HNF4A: variants seen among roughly 807,000 people sequenced by gnomAD.
HNF4A encodes the protein hepatocyte nuclear factor 4 alpha.
In HNF4A, 15 loss-of-function variants were observed where a neutral mutation model predicts 52.4. The ratio of observed to expected loss-of-function variants is 0.29; its 90% CI spans 0.19 to 0.44. HNF4A has a LOEUF of 0.44. Among genes scored for constraint, HNF4A ranks in the 20% least tolerant of loss-of-function variants. The pLI is 1.00. For missense variants in HNF4A, 479 were observed against 647.2 expected, an observed-to-expected ratio of 0.74 and a Z score of 2.82; for synonymous variants, 280 against 264.4, an observed-to-expected ratio of 1.06 and a Z score of -0.57.
At position 44,429,832 on chromosome 20, in the gene HNF4A, T is replaced by A. The variant is rs11574744; in HGVS notation, c.*167T>A. ...ACATGGCCTAAGGGCCACATCCCAC[T>A]GCCACCCTTGACGCCCTGCTCTGGA... On this transcript the variant is annotated 3_prime_UTR_variant, in exon 10 of 10. Coordinates refer to ENST00000316099, the MANE Select transcript of HNF4A (RefSeq NM_000457.6). 3.3e-3 allele frequency: 2,255 copies of A among 680,854 alleles called. 51 individuals are homozygous for A. In the African/African-American group the frequency reaches 0.035, roughly 11 times the overall value. 42.2% of individuals were successfully genotyped at this position (680,854 alleles called of 1,614,324 possible).
intron 5 of HNF4A, among the ~76,000 whole-genome samples, chr20:44,417,512 C>A (rs951721606): frequency 6.6e-6 from 1 of 152,214 alleles, no homozygotes; most frequent in Non-Finnish European, 1.5e-5. Flanking sequence ...GTAATGCCCT[C>A]TCAGAATCCT....
In HNF4A at chr20:44,431,615, A is replaced by C. The variant is rs1415503182; in HGVS notation, c.*1950A>C. ...CATTAGACCCCAGGATGGAGCGACCAGCATGTCATCCATGTGGAATCTTGG... is the reference window on the plus strand; with the variant it reads ...CATTAGACCCCAGGATGGAGCGACCCGCATGTCATCCATGTGGAATCTTGG... On this transcript the variant is annotated 3_prime_UTR_variant, in exon 10 of 10. Transcript: ENST00000316099. 1 of 152,286 alleles carries C rather than the reference A, an allele frequency of 6.6e-6. No homozygotes were observed. The highest frequency in any genetic ancestry group is 1.5e-5 in the Non-Finnish European group (1 of 68,118). The allele number at this position is 152,286 out of a possible 1,614,324, so 9.4% of individuals were successfully genotyped here. A position where few individuals can be genotyped will look rare whatever the true frequency, so the allele number is the denominator to read the frequency against.
chr20:44,408,662 G>A (rs754568515), intron 3 of HNF4A, among the ~76,000 whole-genome samples: 6 of 152,092 alleles, frequency 3.9e-5, no homozygotes, highest in Non-Finnish European at 8.8e-5. Context: ...AAGAGGAGGC[G>A]GTTGCAGTGA....
At position 44,432,476 on chromosome 20, in the gene HNF4A, G is replaced by A. The variant is rs781742192; in HGVS notation, c.*2811G>A. 2 of 148,992 alleles carry A rather than the reference G, an allele frequency of 1.3e-5. No homozygotes were observed. Among genetic ancestry groups the A allele is most frequent in the African/African-American group, 5.0e-5 (2 of 40,402 alleles). The allele number at this position is 148,992 out of a possible 1,614,324, so 9.2% of individuals were successfully genotyped here. A position where few individuals can be genotyped will look rare whatever the true frequency, so the allele number is the denominator to read the frequency against. ...CCCCACCAAGACACCCTGATCTTCA[G>A]GCGGGTCTCAGGAGCTTCTAAAAAT... On this transcript the variant is annotated 3_prime_UTR_variant, in exon 10 of 10. Transcript: ENST00000316099.
At chr20:44,398,521 G>C (rs895008949), upstream of HNF4A, among the ~76,000 whole-genome samples, 1 of 152,326 alleles carries the variant, frequency 6.6e-6, no homozygotes, top group South Asian at 2.1e-4. Context: ...GTGTATCTAG[G>C]AGATACTGTT....
intron 1 of HNF4A, 78 bp downstream of exon 1, chr20:44,355,931 G>T: frequency 7.9e-7 from 1 of 1,267,204 alleles, no homozygotes; most frequent in South Asian, 1.4e-5. Context: ...CTCCCCGTGT[G>T]TTTCTTACGG....
At chr20:44,426,695 T>G (rs2063818245) in intron 8 of HNF4A, among the ~76,000 whole-genome samples, 1 of 152,078 alleles carries the variant, frequency 6.6e-6, no homozygotes. Context: ...TAATCCCAGC[T>G]ACTCGGGAGG....
At chr20:44,393,429 G>T (rs1050103338) in intron 1 of HNF4A, among the ~76,000 whole-genome samples, 1 of 152,174 alleles carries the variant, frequency 6.6e-6, no homozygotes, top group South Asian at 2.1e-4. Context: ...ACAGTGCCCT[G>T]CTCTCTGCCC....
rs541284687 is a variant in HNF4A, at chr20:44,423,087, C to A, written c.893-931C>A. Among the ~76,000 whole-genome samples the A allele has an allele frequency of 6.6e-5, 10 of 152,264 alleles. No individual in the cohort carries two copies. In the South Asian group the frequency reaches 1.0e-3, roughly 16 times the overall value. ...ATCCCAACATTTTGGGAGGCTGAGG[C>A]AGGCAGATTACTTGAGGTCAGAAGT... On this transcript the variant is annotated intron_variant, in intron 7 of 9. Transcript: ENST00000316099.
intron 1 of HNF4A, among the ~76,000 whole-genome samples, chr20:44,394,430 T>TG (rs1176200149): frequency 6.6e-6 from 1 of 152,174 alleles, no homozygotes; most frequent in Non-Finnish European, 1.5e-5. Flanking sequence ...AGGGAGTCGC[T>TG]GGTTGAAGCT....
chr20:44,362,035 A>C (rs566923981), intron 1 of HNF4A, among the ~76,000 whole-genome samples: 1 of 152,202 alleles, frequency 6.6e-6, no homozygotes, highest in South Asian at 2.1e-4. Context: ...CTTATATTTG[A>C]CTGCAATTAA....
intron 7 of HNF4A, among the ~76,000 whole-genome samples, chr20:44,423,022 T>C (rs1276730525): frequency 6.6e-6 from 1 of 152,060 alleles, no homozygotes; most frequent in Non-Finnish European, 1.5e-5. Context: ...GGTGGTGAGT[T>C]TGAAAAGGCA....
chr20:44,397,973 T>A (rs574120360), upstream of HNF4A, among the ~76,000 whole-genome samples: 16 of 152,264 alleles, frequency 1.1e-4, no homozygotes, highest in African/African-American at 3.9e-4. Flanking sequence ...AGTACCCCAA[T>A]GTTTTCCTTT....
chr20:44,413,568 A>T lies in HNF4A; in HGVS notation c.386-126A>T. Reference sequence around the variant, plus strand: ...TAGAGGCCATCTCCCCTCATTCCACATGCTGATGTGGGCCTGTTCTCTGGA... The same window carrying T: ...TAGAGGCCATCTCCCCTCATTCCACTTGCTGATGTGGGCCTGTTCTCTGGA... On this transcript the variant is annotated intron_variant, in intron 3 of 9. Coordinates refer to ENST00000316099, the MANE Select transcript of HNF4A (RefSeq NM_000457.6). The T allele has an allele frequency of 5.5e-6, 4 of 727,032 alleles. No individual in the cohort carries two copies. In the Admixed American group the frequency reaches 6.0e-5, roughly 11 times the overall value. The allele number at this position is 727,032 out of a possible 1,614,324, so 45.0% of individuals were successfully genotyped here. A position where few individuals can be genotyped will look rare whatever the true frequency, so the allele number is the denominator to read the frequency against.
chr20:44,399,888 G>A (rs536770592), upstream of HNF4A, among the ~76,000 whole-genome samples: 14 of 152,210 alleles, frequency 9.2e-5, 1 homozygote, highest in South Asian at 2.5e-3. Context: ...AGGTGTCACC[G>A]AGGCCCTCCA....
intron 1 of HNF4A, 63 bp from the exon 2 acceptor site, chr20:44,405,995 G>C: frequency 6.6e-7 from 1 of 1,508,958 alleles, no homozygotes; most frequent in South Asian, 1.1e-5. Flanking sequence ...TCCCCGCAAG[G>C]CTCCCTTAGA....
chr20:44,364,276 A>G (rs892501426), intron 1 of HNF4A, among the ~76,000 whole-genome samples: 1 of 152,050 alleles, frequency 6.6e-6, no homozygotes, highest in African/African-American at 2.4e-5. Flanking sequence ...TCCTGGGCTC[A>G]AGCAATCCTC....
In HNF4A at chr20:44,414,665, G is replaced by A; in HGVS notation, c.648+3G>A. On this transcript the variant is annotated splice_donor_region_variant and intron_variant, in intron 5 of 9. Transcript: ENST00000316099. ...GCGAGCTCCCCCTGGACGACCAGGT[G>A]AGGATGGGCGTGGATGGTGGGCAGT... 6.3e-7 allele frequency: 1 copy of A among 1,598,220 alleles called. No individual in the cohort carries two copies. Among genetic ancestry groups the A allele is most frequent in the Non-Finnish European group, 8.5e-7 (1 of 1,172,096 alleles).
intron 8 of HNF4A, among the ~76,000 whole-genome samples, chr20:44,427,795 G>T (rs529716155): frequency 6.6e-6 from 1 of 152,322 alleles, no homozygotes; most frequent in South Asian, 2.1e-4. Context: ...TATATGAGCT[G>T]GGATTTGGGC....
Sources: allele counts gnomAD v4.1 joint callset (sites outside exome capture counted in the v4.1 genomes callset), GRCh38; gene constraint gnomAD v4.1.1; transcripts MANE v1.5; gene names NCBI Gene and HGNC (gene_info 2026-07-23, HGNC 2026-07-21).